The following OSBPL8 variants were observed in gnomAD, a reference collection of about 807,000 sequenced individuals.
OSBPL8 encodes oxysterol-binding protein-related protein 8.
A neutral mutation model predicts 125.5 loss-of-function variants in OSBPL8; 59 were observed. The observed-to-expected ratio is 0.47, with a 90% CI of 0.38 to 0.58. The LOEUF is 0.58. Ranked by LOEUF, OSBPL8 falls within the 20% of genes least tolerant of loss-of-function variation. The pLI, the probability that OSBPL8 is intolerant of heterozygous loss-of-function variation, is 0.00. For synonymous variants in OSBPL8, 330 were observed against 338.9 expected (o/e 0.97, Z 0.29); for missense variants, 758 against 1,047.8 (o/e 0.72, Z 3.82).
chr12:76,473,266 G>C (rs895287853), intron 2 of OSBPL8, among the ~76,000 whole-genome samples: 1 of 152,062 alleles, frequency 6.6e-6, no homozygotes, highest in Non-Finnish European at 1.5e-5. Flanking sequence ...ATATCATTAT[G>C]TCTATGATCT....
intron 1 of OSBPL8, among the ~76,000 whole-genome samples, chr12:76,510,895 A>AT (rs113497338): frequency 0.18 from 26,610 of 145,594 alleles, 2,787 homozygotes; most frequent in Non-Finnish European, 0.26. Flanking sequence ...AAAAAAAAAA[A>AT]AAATATATTT....
intron 4 of OSBPL8, among the ~76,000 whole-genome samples, chr12:76,446,018 T>G (rs1872687769): frequency 6.6e-6 from 1 of 152,304 alleles, no homozygotes; most frequent in African/African-American, 2.4e-5. Context: ...ACATACTATG[T>G]AGACTTGTAA....
chr12:76,356,842 A>C, intron 22 of OSBPL8, 114 bp from the exon 23 acceptor site: 1 of 636,312 alleles, frequency 1.6e-6, no homozygotes, highest in South Asian at 2.1e-5. Context: ...CCTAGAGATT[A>C]GCATAGTAAT....
intron 1 of OSBPL8, among the ~76,000 whole-genome samples, chr12:76,550,464 G>GA (rs1366766153): frequency 7.9e-5 from 12 of 152,224 alleles, no homozygotes; most frequent in African/African-American, 2.4e-4. Context: ...GATTACAGGG[G>GA]AAAAAACGTG....
At chr12:76,438,804 A>G (rs1282194464) in intron 4 of OSBPL8, among the ~76,000 whole-genome samples, 1 of 152,010 alleles carries the variant, frequency 6.6e-6, no homozygotes, top group Non-Finnish European at 1.5e-5. Context: ...CCATCCTTGC[A>G]CTCCTGGAAC....
intron 1 of OSBPL8, among the ~76,000 whole-genome samples, chr12:76,498,378 G>GC (rs1471224545): frequency 2.0e-5 from 3 of 152,178 alleles, no homozygotes; most frequent in African/African-American, 7.2e-5. Context: ...AACTATGGAT[G>GC]CAACACTTAA....
chr12:76,436,817 C>T (rs1871516420), intron 4 of OSBPL8, among the ~76,000 whole-genome samples: 1 of 151,992 alleles, frequency 6.6e-6, no homozygotes, highest in African/African-American at 2.4e-5. Flanking sequence ...ATTATAAATA[C>T]CTCCCACTCT....
At chr12:76,480,525 G>A (rs1877357910) in intron 2 of OSBPL8, among the ~76,000 whole-genome samples, 1 of 152,186 alleles carries the variant, frequency 6.6e-6, no homozygotes, top group Non-Finnish European at 1.5e-5. Context: ...AATACAAACT[G>A]TTAGAGTTAG....
intron 2 of OSBPL8, among the ~76,000 whole-genome samples, chr12:76,468,840 A>T (rs1238319466): frequency 6.6e-6 from 1 of 152,250 alleles, no homozygotes; most frequent in African/African-American, 2.4e-5. Flanking sequence ...AATAGTGTGT[A>T]TCTGTAATGT....
chr12:76,558,081 G>T (rs1164632880), intron 1 of OSBPL8, among the ~76,000 whole-genome samples: 1 of 151,644 alleles, frequency 6.6e-6, no homozygotes, highest in Non-Finnish European at 1.5e-5. Context: ...TCCTTTCTCA[G>T]CCCTTTGAGC....
intron 2 of OSBPL8, among the ~76,000 whole-genome samples, chr12:76,482,520 G>C (rs2136994086): frequency 6.6e-6 from 1 of 152,266 alleles, no homozygotes; most frequent in South Asian, 2.1e-4. Context: ...GGCTGGGGCA[G>C]GAGAATTGCT....
chr12:76,426,641 T>C (rs562985498), intron 4 of OSBPL8, among the ~76,000 whole-genome samples: 1 of 152,282 alleles, frequency 6.6e-6, no homozygotes, highest in South Asian at 2.1e-4. Flanking sequence ...GGTACGTAAG[T>C]ATTGGTTTTA....
intron 4 of OSBPL8, among the ~76,000 whole-genome samples, chr12:76,437,464 T>C (rs553206008): frequency 2.8e-4 from 43 of 152,244 alleles, no homozygotes; most frequent in Non-Finnish European, 5.0e-4. Context: ...TATCTATTCA[T>C]GTCTTTTGGA....
intron 1 of OSBPL8, among the ~76,000 whole-genome samples, chr12:76,489,951 G>C (rs1878537918): frequency 6.6e-6 from 1 of 152,196 alleles, no homozygotes; most frequent in Non-Finnish European, 1.5e-5. Flanking sequence ...GCAGGAATTT[G>C]GAAGAAGTTG....
chr12:76,461,107 T>C (rs1874668383), intron 2 of OSBPL8, among the ~76,000 whole-genome samples: 1 of 152,208 alleles, frequency 6.6e-6, no homozygotes, highest in Non-Finnish European at 1.5e-5. Flanking sequence ...GGCAAAGTTA[T>C]ATTCTCCTGG....
chr12:76,375,397 T>C, intron 16 of OSBPL8, 27 bp from the exon 17 acceptor site: 2 of 1,495,826 alleles, frequency 1.3e-6, no homozygotes, highest in Non-Finnish European at 1.9e-6. Flanking sequence ...TGACAAAAAA[T>C]TGAAAAGAGT....
intron 21 of OSBPL8, among the ~76,000 whole-genome samples, chr12:76,363,209 A>G (rs1395638496): frequency 6.6e-6 from 1 of 152,264 alleles, no homozygotes; most frequent in Non-Finnish European, 1.5e-5. Context: ...ACCAAAAAAG[A>G]GCCCATATAG....
chr12:76,542,850 G>A (rs1471257655), intron 1 of OSBPL8, among the ~76,000 whole-genome samples: 2 of 152,112 alleles, frequency 1.3e-5, no homozygotes, highest in African/African-American at 4.8e-5. Context: ...ATACCACAAT[G>A]TTATCTTTCT....
At position 76,474,779 on chromosome 12, in the gene OSBPL8, A is replaced by G. The variant is rs146420157; in HGVS notation, c.42+12731T>C. 8.3e-3 allele frequency among the ~76,000 whole-genome samples: 1,263 copies of G among 152,308 alleles called. 16 individuals are homozygous for G. Among genetic ancestry groups the G allele is most frequent in the African/African-American group, 0.029 (1,200 of 41,574 alleles). ...ATTACAGGCGTGAGCCACTGCACCC[A>G]GCCCGAAATTAAATTTTATGTCTAT... is the stretch of plus-strand genomic sequence containing the variant. On this transcript the variant is annotated intron_variant, in intron 2 of 23. Transcript: ENST00000261183.
Sources: gnomAD v4.1 joint callset for allele counts (sites outside exome capture counted in the v4.1 genomes callset) on GRCh38, gnomAD v4.1.1 for gene constraint, MANE v1.5 for transcripts, NCBI Gene and HGNC (gene_info 2026-07-23, HGNC 2026-07-21) for gene names.